Variants in SYN3 observed in about 807,000 individuals in gnomAD.
The protein encoded by SYN3 is synapsin-3.
Under a neutral mutation model 65.8 loss-of-function variants are expected in SYN3, and 35 were observed. That is an observed-to-expected ratio of 0.53 (90% confidence interval 0.41 to 0.70). The LOEUF is 0.70. SYN3 is among the 30% of genes least tolerant of loss of function. The probability of loss-of-function intolerance (pLI) is 0.00; values close to 1 mark genes in which losing one functional copy is unlikely to be tolerated. For missense variants in SYN3, 680 were observed against 749.0 expected (o/e 0.91, Z 1.08); for synonymous variants, 270 against 292.9 (o/e 0.92, Z 0.80).
intron 4 of SYN3, among the ~76,000 whole-genome samples, chr22:32,900,262 T>C (rs2049720522): frequency 6.6e-6 from 1 of 152,082 alleles, no homozygotes; most frequent in Non-Finnish European, 1.5e-5. Flanking sequence ...TGGGCTTGAG[T>C]TGCCACTCAG....
At chr22:32,999,685 A>AAAAACAAAAACAAAAC (rs143911254) in intron 2 of SYN3, among the ~76,000 whole-genome samples, 2 of 151,390 alleles carry the variant, frequency 1.3e-5, no homozygotes, top group African/African-American at 4.9e-5. Context: ...TCTGTCTCTA[A>AAAAACAAAAACAAAAC]AAAACAAAAA....
At chr22:32,520,705 C>T (rs1334358466) in intron 12 of SYN3, among the ~76,000 whole-genome samples, 1 of 152,208 alleles carries the variant, frequency 6.6e-6, no homozygotes, top group Non-Finnish European at 1.5e-5. Context: ...CAGCCAGCCT[C>T]CCTTACCAGA....
intron 6 of SYN3, among the ~76,000 whole-genome samples, chr22:32,646,479 G>T (rs1467802585): frequency 6.6e-6 from 1 of 152,226 alleles, no homozygotes; most frequent in African/African-American, 2.4e-5. Flanking sequence ...CTTATTTAGT[G>T]TTGGCAGTTT....
At chr22:32,720,456 G>A (rs2061101250) in intron 6 of SYN3, among the ~76,000 whole-genome samples, 1 of 152,210 alleles carries the variant, frequency 6.6e-6, no homozygotes, top group African/African-American at 2.4e-5. Flanking sequence ...GCCCATGTGA[G>A]AAGTATCAAA....
chr22:32,642,649 C>T (rs2059919214), intron 6 of SYN3, among the ~76,000 whole-genome samples: 1 of 151,952 alleles, frequency 6.6e-6, no homozygotes, highest in South Asian at 2.1e-4. Context: ...ACCGTGGTCT[C>T]GATCTCCTGA....
rs117309669 is a variant in SYN3 at position 32,576,628 on chromosome 22, C to A, written c.774+20046G>T. 8.9e-4 allele frequency among the ~76,000 whole-genome samples: 136 copies of A among 152,266 alleles called. 3 individuals are homozygous for A. In the East Asian group the frequency reaches 0.02, roughly 22 times the overall value. On this transcript the variant is annotated intron_variant, in intron 7 of 13. Coordinates refer to ENST00000358763, the MANE Select transcript of SYN3 (RefSeq NM_003490.4). Reference sequence around the variant, plus strand: ...AATGGAATCGTGATAATCTTGAGTTCTTTTCCCGCCTGGCACAGTCAGTTC... The same window carrying A: ...AATGGAATCGTGATAATCTTGAGTTATTTTCCCGCCTGGCACAGTCAGTTC...
intron 1 of SYN3, chr22:33,015,311 C>A: frequency 1.5e-6 from 1 of 675,980 alleles, no homozygotes; most frequent in Non-Finnish European, 2.3e-6. Flanking sequence ...ACAACATTTT[C>A]CTTAAAAACA....
rs1305383933 is a variant in SYN3 at position 32,509,871 on chromosome 22, G to A, written c.*3821C>T. On this transcript the variant is annotated 3_prime_UTR_variant, in exon 14 of 14. Coordinates refer to ENST00000358763, the MANE Select transcript of SYN3 (RefSeq NM_003490.4). ...ATGTGAGCCACTGCGCCTGGCCCCA[G>A]TGGGGAAATTATTTAAATGTGTTGG... 6.6e-6 allele frequency among the ~76,000 whole-genome samples: 1 copy of A among 152,140 alleles called. No individual in the cohort carries two copies. Among genetic ancestry groups the A allele is most frequent in the Non-Finnish European group, 1.5e-5 (1 of 68,028 alleles).
At chr22:33,056,644 C>T (rs1291302182) in intron 1 of SYN3, among the ~76,000 whole-genome samples, 1 of 152,200 alleles carries the variant, frequency 6.6e-6, no homozygotes, top group Non-Finnish European at 1.5e-5. Flanking sequence ...CTTATCTGCA[C>T]AAAAATCTCA....
intron 8 of SYN3, among the ~76,000 whole-genome samples, chr22:32,539,243 G>T (rs2058214241): frequency 6.6e-6 from 1 of 152,156 alleles, no homozygotes; most frequent in South Asian, 2.1e-4. Context: ...ACCGTAGTTG[G>T]CAAGGTTGTT....
intron 13 of SYN3, among the ~76,000 whole-genome samples, chr22:32,515,714 GATTA>G (rs905542449): frequency 3.3e-5 from 5 of 152,090 alleles, no homozygotes; most frequent in Admixed American, 6.5e-5. Flanking sequence ...ATTTGTGATG[GATTA>G]GTTAGATAAA....
At chr22:32,869,222 G>T in intron 4 of SYN3, 97 bp from the exon 5 acceptor site, 1 of 1,395,216 alleles carries the variant, frequency 7.2e-7, no homozygotes, top group Non-Finnish European at 9.9e-7. Flanking sequence ...CTGACTTGCA[G>T]GGCGGCAGCT....
At chr22:33,006,851 G>T in intron 1 of SYN3, 27 bp from the exon 2 acceptor site, 1 of 546,136 alleles carries the variant, frequency 1.8e-6, no homozygotes, top group Non-Finnish European at 3.2e-6. Context: ...AAATACATAA[G>T]TGGAAACGAC....
chr22:32,857,255 C>T (rs778568696), intron 6 of SYN3: 1 of 1,613,452 alleles, frequency 6.2e-7, no homozygotes. Context: ...ACAGATGTAC[C>T]GAGGCTTCAC....
At chr22:32,686,299 G>A (rs1307991673) in intron 6 of SYN3, among the ~76,000 whole-genome samples, 1 of 152,042 alleles carries the variant, frequency 6.6e-6, no homozygotes, top group Non-Finnish European at 1.5e-5. Context: ...AGGAGAGTCT[G>A]TATCCTGCAG....
intron 2 of SYN3, among the ~76,000 whole-genome samples, chr22:32,981,108 C>T (rs977490371): frequency 4.0e-5 from 6 of 150,750 alleles, no homozygotes; most frequent in African/African-American, 1.5e-4. Flanking sequence ...ACCCACCTCG[C>T]CCTCCCAAAG....
At chr22:33,018,895 TCA>T (rs2053515697) in intron 1 of SYN3, among the ~76,000 whole-genome samples, 1 of 152,160 alleles carries the variant, frequency 6.6e-6, no homozygotes. Context: ...TTTCAGCCAC[TCA>T]ATCTCCAAGT....
chr22:32,801,155 C>T lies in SYN3; in HGVS notation c.711+63760G>A, dbSNP rs2046561742. Among the ~76,000 whole-genome samples, 1 of 152,182 alleles carries T rather than the reference C, an allele frequency of 6.6e-6. No homozygotes were observed. Among genetic ancestry groups the T allele is most frequent in the African/African-American group, 2.4e-5 (1 of 41,452 alleles). On this transcript the variant is annotated intron_variant, in intron 6 of 13. Coordinates refer to ENST00000358763, the MANE Select transcript of SYN3 (RefSeq NM_003490.4). The surrounding 1 kb of genome is among the most constrained non-coding windows in gnomAD (Gnocchi z 4.7). ...GCAAACAGCAGATGGCTTCCCATAT[C>T]CCAGAGAGTAAGAACCAGAGAGAGA...
intron 1 of SYN3, among the ~76,000 whole-genome samples, chr22:33,035,909 A>G (rs147314194): frequency 1.3e-5 from 2 of 152,260 alleles, no homozygotes; most frequent in African/African-American, 4.8e-5. Context: ...CTACATTATA[A>G]TAAGCTAATA....
Sources: allele counts gnomAD v4.1 joint callset (sites outside exome capture counted in the v4.1 genomes callset), GRCh38; gene constraint gnomAD v4.1.1; non-coding constraint Gnocchi (gnomAD v3.1); transcripts MANE v1.5; gene names NCBI Gene and HGNC (gene_info 2026-07-23, HGNC 2026-07-21).